ATXN1: variants seen among roughly 807,000 people sequenced by gnomAD.
ATXN1 encodes the protein ataxin 1.
ATXN1 carries 8 observed loss-of-function variants against 56.4 expected under a neutral mutation model. The ratio of observed to expected loss-of-function variants is 0.14; its 90% CI spans 0.08 to 0.26. The LOEUF (loss-of-function observed/expected upper bound fraction) is 0.26. Among genes scored for constraint, ATXN1 ranks in the 10% least tolerant of loss-of-function variants. ATXN1 has a pLI of 1.00. For synonymous variants in ATXN1, 514 were observed against 494.6 expected (o/e 1.04, Z -0.52); for missense variants, 987 against 1,106.5 (o/e 0.89, Z 1.53).
At chr6:16,339,638 G>T (rs778977579) in intron 6 of ATXN1, among the ~76,000 whole-genome samples, 1 of 152,164 alleles carries the variant, frequency 6.6e-6, no homozygotes, top group Non-Finnish European at 1.5e-5. Flanking sequence ...CCATTTCAAA[G>T]ACAAGGACAT....
chr6:16,668,989 C>A (rs554639059), intron 2 of ATXN1, among the ~76,000 whole-genome samples: 94 of 152,148 alleles, frequency 6.2e-4, no homozygotes, highest in Admixed American at 2.4e-3. Flanking sequence ...ATCATAATTA[C>A]TCTTTGAGAA....
At chr6:16,677,198 C>A (rs1271248079) in intron 2 of ATXN1, among the ~76,000 whole-genome samples, 1 of 152,024 alleles carries the variant, frequency 6.6e-6, no homozygotes, top group Non-Finnish European at 1.5e-5. Context: ...TGTGGGTGAG[C>A]GCTGAGAGAT....
intron 6 of ATXN1, among the ~76,000 whole-genome samples, chr6:16,480,008 C>T (rs1248903437): frequency 3.3e-5 from 5 of 151,856 alleles, no homozygotes; most frequent in African/African-American, 9.7e-5. Flanking sequence ...AAAAATTAGC[C>T]GGGCATTGTG....
In ATXN1 at chr6:16,306,882, AGAGAG is replaced by A. The variant is rs1398927678; in HGVS notation, c.1918-28_1918-24del. Reference sequence around the variant, plus strand: ...GACCTGTGGAAACAGGGAGAGACAGAGAGAGGAAGAAGGAAGGGAACAAATGAAAA... The same window carrying A: ...GACCTGTGGAAACAGGGAGAGACAGAGAAGAAGGAAGGGAACAAATGAAAA... On this transcript the variant is annotated intron_variant, in intron 7 of 7. Coordinates refer to ENST00000436367, the MANE Select transcript of ATXN1 (RefSeq NM_001128164.2). The surrounding 1 kb of genome is among the most constrained non-coding windows in gnomAD (Gnocchi z 5.2). The A allele has an allele frequency of 6.4e-7, 1 of 1,573,652 alleles. No homozygotes were observed. Among genetic ancestry groups the A allele is most frequent in the Non-Finnish European group, 8.6e-7 (1 of 1,166,086 alleles).
chr6:16,328,156 C>A lies in ATXN1; in HGVS notation c.155G>T (p.Gly52Val), dbSNP rs1321973842. The change falls in exon 7 of 8, where the codon GGC (glycine) becomes GTC (valine). Residue 52 changes from glycine to valine, a missense_variant. By Grantham distance (109) the Gly-to-Val change is moderately radical. This residue lies in a region of ATXN1 where 723 missense variants were observed against 791.7 expected (regional missense o/e 0.91). Transcript: ENST00000436367. This position sits in a 1 kb window ranked among gnomAD's most constrained non-coding sequence, Gnocchi z 6.2. Reference sequence around the variant, plus strand: ...ATGCCTCCCGCCCCCGTGGCCCCGGCCACCAGGGTTGCCCGGGAGCCATGC... The same window carrying A: ...ATGCCTCCCGCCCCCGTGGCCCCGGACACCAGGGTTGCCCGGGAGCCATGC... ...GTAWLPGNPG[G>V]RGHGGGRHGP... 5.0e-6 allele frequency: 8 copies of A among 1,585,184 alleles called. No individual in the cohort carries two copies. Among genetic ancestry groups the A allele is most frequent in the Non-Finnish European group, 6.9e-6 (8 of 1,162,114 alleles).
chr6:16,650,826 T>G (rs147169079), intron 3 of ATXN1, among the ~76,000 whole-genome samples: 13 of 152,336 alleles, frequency 8.5e-5, no homozygotes, highest in African/African-American at 3.1e-4. Flanking sequence ...TCCGTCGTTT[T>G]CCTTTTTCTG....
At position 16,328,103 on chromosome 6, in the gene ATXN1, C is replaced by T. The variant is rs748637172; in HGVS notation, c.208G>A (p.Gly70Ser). 4.4e-6 allele frequency: 7 copies of T among 1,598,752 alleles called. No homozygotes were observed. Among genetic ancestry groups the T allele is most frequent in the African/African-American group, 1.3e-5 (1 of 74,664 alleles). ...TGTAAACCTATTCCCTGTTGTAAAC[C>T]AAGCTCCACCGAGGTCCCTGCCGGC... ...HGPAGTSVEL[G>S]LQQGIGLHKA... The change falls in exon 7 of 8, where the codon GGT (glycine) becomes AGT (serine). Residue 70 changes from glycine (G) to serine (S), a missense_variant. Physicochemically the swap from Gly to Ser is moderately conservative, Grantham distance 56. This residue lies in a region of ATXN1 where 723 missense variants were observed against 791.7 expected (regional missense o/e 0.91). Transcript: ENST00000436367. The surrounding 1 kb of genome is among the most constrained non-coding windows in gnomAD (Gnocchi z 6.2).
At position 16,726,443 on chromosome 6, in the gene ATXN1, A is replaced by G. The variant is rs570630346; in HGVS notation, c.-615+26790T>C. On this transcript the variant is annotated intron_variant, in intron 2 of 7. Coordinates refer to ENST00000436367, the MANE Select transcript of ATXN1 (RefSeq NM_001128164.2). ...CCCACTAACATTAAGAGATTTTCAT[A>G]TGTATAATATCTTAGTGTCACTGCT... Among the ~76,000 whole-genome samples the G allele has an allele frequency of 2.8e-4, 43 of 152,100 alleles. 1 individual carries two copies. The South Asian group carries it at 8.5e-3, about 30-fold the overall frequency.
chr6:16,353,471 GA>G (rs1469892720), intron 6 of ATXN1, among the ~76,000 whole-genome samples: 1 of 152,050 alleles, frequency 6.6e-6, no homozygotes, highest in African/African-American at 2.4e-5. Flanking sequence ...TCAGGAGTTC[GA>G]GACCAGCCTG....
At chr6:16,635,668 T>G (rs1204037995) in intron 3 of ATXN1, among the ~76,000 whole-genome samples, 1 of 152,240 alleles carries the variant, frequency 6.6e-6, no homozygotes, top group East Asian at 1.9e-4. Context: ...GTTATCTGAT[T>G]CTTTAGGCAG....
intron 4 of ATXN1, among the ~76,000 whole-genome samples, chr6:16,575,645 C>T (rs1159907434): frequency 6.6e-6 from 1 of 152,162 alleles, no homozygotes; most frequent in Non-Finnish European, 1.5e-5. Flanking sequence ...ATCTTGAGGG[C>T]CTTGTGTTAG....
chr6:16,351,783 G>T (rs952767699), intron 6 of ATXN1, among the ~76,000 whole-genome samples: 1 of 152,112 alleles, frequency 6.6e-6, no homozygotes, highest in East Asian at 1.9e-4. Context: ...TTTCAGTATC[G>T]CAGCTTGAGC....
chr6:16,482,056 A>C (rs892388936), intron 6 of ATXN1, among the ~76,000 whole-genome samples: 43 of 151,698 alleles, frequency 2.8e-4, no homozygotes, highest in African/African-American at 9.4e-4. Flanking sequence ...ACATTTCTTT[A>C]TACACATCAA....
At chr6:16,415,113 T>A (rs1758874894) in intron 6 of ATXN1, among the ~76,000 whole-genome samples, 1 of 152,214 alleles carries the variant, frequency 6.6e-6, no homozygotes, top group South Asian at 2.1e-4. Context: ...TTATCTTCTA[T>A]CTTGGTTTGT....
At chr6:16,393,104 CAT>C (rs1393718467) in intron 6 of ATXN1, among the ~76,000 whole-genome samples, 2 of 152,176 alleles carry the variant, frequency 1.3e-5, no homozygotes, top group Non-Finnish European at 2.9e-5. Flanking sequence ...AACACAAGCA[CAT>C]ATTGACTTTT....
At chr6:16,396,358 T>C (rs2113529172) in intron 6 of ATXN1, among the ~76,000 whole-genome samples, 1 of 152,250 alleles carries the variant, frequency 6.6e-6, no homozygotes, top group Non-Finnish European at 1.5e-5. Context: ...GGCAGGAGGA[T>C]GGCTTGAGCC....
intron 3 of ATXN1, among the ~76,000 whole-genome samples, chr6:16,633,004 A>C (rs1763534188): frequency 6.6e-6 from 1 of 152,112 alleles, no homozygotes; most frequent in African/African-American, 2.4e-5. Context: ...CCTCAAAAAA[A>C]AAAAAAAGAA....
rs1561896120 is a variant in ATXN1 at position 16,439,362 on chromosome 6, GGGGCC to G, written c.-161+46605_-161+46609del. Among the ~76,000 whole-genome samples, 2 of 12,830 alleles carry G rather than the reference GGGGCC, an allele frequency of 1.6e-4. 1 individual carries two copies. The highest frequency in any genetic ancestry group is 6.0e-4 in the African/African-American group (2 of 3,354). 8.4% of individuals were successfully genotyped at this position (12,830 alleles called of 152,430 possible). On this transcript the variant is annotated intron_variant, in intron 6 of 7. Transcript: ENST00000436367. ...GCGGGGGGGGGGGGGGGGGGGGGGC[GGGGCC>G]GGGGGCGGGGCGGGAATAAGGGTTG...
rs540530272 is a variant in ATXN1 at position 16,411,460 on chromosome 6, T to C, written c.-161+74512A>G. ...GGTACTCAGAGAAGGCCCAGGGTTG[T>C]TGGTGCCAACTGGAAAAAGTTTATA... On this transcript the variant is annotated intron_variant, in intron 6 of 7. Transcript: ENST00000436367. Among the ~76,000 whole-genome samples the C allele has an allele frequency of 4.6e-5, 7 of 152,234 alleles. No individual in the cohort carries two copies. The South Asian group carries it at 1.5e-3, about 32-fold the overall frequency.
Sources: gnomAD v4.1 joint callset for allele counts (sites outside exome capture counted in the v4.1 genomes callset) on GRCh38, gnomAD v4.1.1 for gene constraint, gnomAD v4.1.1 regional missense constraint, Gnocchi (gnomAD v3.1) non-coding constraint, MANE v1.5 for transcripts, NCBI Gene and HGNC (gene_info 2026-07-23, HGNC 2026-07-21) for gene names.